The following TEX11 variants were observed in gnomAD, a reference collection of about 807,000 sequenced individuals.
The protein encoded by TEX11 is testis expressed 11, also known as testis-expressed protein 11.
TEX11 carries 7 observed loss-of-function variants against 84.4 expected under a neutral mutation model. The observed-to-expected ratio is 0.08, with a 90% CI of 0.05 to 0.16. The LOEUF (loss-of-function observed/expected upper bound fraction) is 0.16, where lower values mean the gene tolerates loss of function less well. Ranked by LOEUF, TEX11 falls within the 10% of genes least tolerant of loss-of-function variation. The pLI, the probability that TEX11 is intolerant of heterozygous loss-of-function variation, is 1.00. For missense variants in TEX11, 551 were observed against 660.5 expected (o/e 0.83, Z 1.82); for synonymous variants, 264 against 222.8 (o/e 1.18, Z -1.64).
At chrX:70,723,526 G>A (rs2090576755) in intron 12 of TEX11, among the ~76,000 whole-genome samples, 1 of 111,545 alleles carries the variant, frequency 9.0e-6, no homozygotes, top group African/African-American at 3.2e-5. Context: ...CTGAAAATAA[G>A]TGATCAAATT....
intron 18 of TEX11, among the ~76,000 whole-genome samples, chrX:70,625,132 C>A (rs1458055839): frequency 9.0e-6 from 1 of 111,182 alleles, no homozygotes; most frequent in East Asian, 2.8e-4. Context: ...ACCGAATCCT[C>A]CCTATTCACA....
At chrX:70,556,155 G>T in intron 25 of TEX11, among the ~76,000 whole-genome samples, 1 of 110,707 alleles carries the variant, frequency 9.0e-6, no homozygotes. Flanking sequence ...CTTTTCTTTT[G>T]CTTGATTGGG....
intron 13 of TEX11, among the ~76,000 whole-genome samples, chrX:70,700,617 C>A (rs191450953): frequency 1.8e-5 from 2 of 110,822 alleles, no homozygotes; most frequent in Non-Finnish European, 3.8e-5. Flanking sequence ...AATTAATAAC[C>A]CTACAATGGC....
At chrX:70,819,948 C>T (rs111789544) in intron 8 of TEX11, among the ~76,000 whole-genome samples, 23 of 111,382 alleles carry the variant, frequency 2.1e-4, no homozygotes, top group African/African-American at 7.5e-4. Context: ...ATACATCCCA[C>T]ATTCACAGAT....
chrX:70,656,908 A>G (rs1194766036), intron 16 of TEX11, among the ~76,000 whole-genome samples: 1 of 111,970 alleles, frequency 8.9e-6, no homozygotes, highest in Non-Finnish European at 1.9e-5. Flanking sequence ...CTTACCCACT[A>G]GAGCTCCCCT....
chrX:70,870,236 T>C (rs968664348), intron 4 of TEX11, among the ~76,000 whole-genome samples: 1 of 112,369 alleles, frequency 8.9e-6, no homozygotes, highest in Non-Finnish European at 1.9e-5. Flanking sequence ...TTTGTTCTGG[T>C]ATCTTACCTT....
At chrX:70,895,812 T>A (rs1191810309) in intron 2 of TEX11, among the ~76,000 whole-genome samples, 3 of 111,782 alleles carry the variant, frequency 2.7e-5, no homozygotes, top group African/African-American at 9.8e-5. Context: ...GAAAACTGGC[T>A]AGCCATACGC....
In TEX11 at chrX:70,873,205, C is replaced by G. The variant is rs149450503; in HGVS notation, c.244+18G>C. On this transcript the variant is annotated intron_variant, in intron 4 of 29. Transcript: ENST00000374333. ...TAAGAACACGCCTCATAATACATGT[C>G]ACAATATGTATACATACATCTAATT... The G allele has an allele frequency of 2.9e-4, 285 of 991,877 alleles. 3 individuals are homozygous for G. In the East Asian group the frequency reaches 8.5e-3, roughly 30 times the overall value. The allele number at this position is 991,877 out of a possible 1,213,427, so 81.7% of individuals were successfully genotyped here. A position where few individuals can be genotyped will look rare whatever the true frequency, so the allele number is the denominator to read the frequency against.
intron 17 of TEX11, among the ~76,000 whole-genome samples, chrX:70,643,209 A>T (rs1422118444): frequency 9.7e-6 from 1 of 103,505 alleles, no homozygotes; most frequent in Non-Finnish European, 2.0e-5. Context: ...AATCCAACTT[A>T]CAAGGGATAT....
chrX:70,759,962 C>T (rs2090897562), intron 9 of TEX11, among the ~76,000 whole-genome samples: 1 of 111,680 alleles, frequency 9.0e-6, no homozygotes, highest in South Asian at 3.8e-4. Context: ...CATTCTTATA[C>T]ACCAAGTACA....
chrX:70,685,906 C>T (rs1023577827), intron 13 of TEX11, among the ~76,000 whole-genome samples: 17 of 110,706 alleles, frequency 1.5e-4, no homozygotes, highest in African/African-American at 4.9e-4. Context: ...TATTCATTGC[C>T]CACTTTTTGA....
chrX:70,864,256 A>G (rs1263256811), intron 4 of TEX11, among the ~76,000 whole-genome samples: 3 of 111,162 alleles, frequency 2.7e-5, no homozygotes, highest in African/African-American at 9.8e-5. Flanking sequence ...ACTCCTCAAG[A>G]AGAGCAACCC....
At chrX:70,594,373 GGC>G in intron 24 of TEX11, among the ~76,000 whole-genome samples, 1 of 110,979 alleles carries the variant, frequency 9.0e-6, no homozygotes, top group African/African-American at 3.3e-5. Context: ...AGTAATGCCA[GGC>G]AGTAATTTGA....
intron 8 of TEX11, among the ~76,000 whole-genome samples, chrX:70,812,280 C>A (rs2091260544): frequency 9.1e-6 from 1 of 109,728 alleles, no homozygotes; most frequent in Non-Finnish European, 1.9e-5. Context: ...GATCTCCGCT[C>A]ACTGCAAGCT....
chrX:70,783,405 A>G (rs1389539468), intron 9 of TEX11, among the ~76,000 whole-genome samples: 3 of 111,773 alleles, frequency 2.7e-5, no homozygotes, highest in African/African-American at 6.5e-5. Flanking sequence ...ACATCCTAAC[A>G]TCACAATTAA....
chrX:70,670,801 A>AT (rs2090015569), intron 15 of TEX11, among the ~76,000 whole-genome samples: 2 of 112,216 alleles, frequency 1.8e-5, no homozygotes, highest in African/African-American at 6.4e-5. Context: ...CTTAAAATCT[A>AT]TTTTAAAAGT....
At chrX:70,693,348 A>T (rs1403753888) in intron 13 of TEX11, among the ~76,000 whole-genome samples, 1 of 111,848 alleles carries the variant, frequency 8.9e-6, no homozygotes, top group Non-Finnish European at 1.9e-5. Context: ...TGTGGTTTTG[A>T]TTTGTATTTC....
chrX:70,786,604 G>A (rs1175497564), intron 9 of TEX11, among the ~76,000 whole-genome samples: 1 of 111,509 alleles, frequency 9.0e-6, no homozygotes, highest in East Asian at 2.8e-4. Flanking sequence ...ATCCAGACAA[G>A]GACATTCCAA....
chrX:70,837,661 T>A (rs1014266336), intron 7 of TEX11, among the ~76,000 whole-genome samples: 10 of 111,548 alleles, frequency 9.0e-5, no homozygotes, highest in African/African-American at 3.3e-4. Context: ...ACAACCAATA[T>A]GAAATGGTTA....
Sources: allele counts gnomAD v4.1 joint callset (sites outside exome capture counted in the v4.1 genomes callset), GRCh38; gene constraint gnomAD v4.1.1; transcripts MANE v1.5; gene names NCBI Gene and HGNC (gene_info 2026-07-23, HGNC 2026-07-21).